MON2: variants seen among roughly 807,000 people sequenced by gnomAD.
MON2 encodes MON2 regulator of endosome-to-Golgi trafficking, also known as protein MON2 homolog.
A neutral mutation model predicts 208.6 loss-of-function variants in MON2; 84 were observed. That is an observed-to-expected ratio of 0.40 (90% CI 0.34 to 0.48). The LOEUF (loss-of-function observed/expected upper bound fraction) is 0.48. Among genes scored for constraint, MON2 ranks in the 20% least tolerant of loss-of-function variants. The probability of loss-of-function intolerance (pLI) is 0.59; values close to 1 mark genes in which losing one functional copy is unlikely to be tolerated. For missense variants in MON2, 1,611 were observed against 2,015.4 expected, an observed-to-expected ratio of 0.80 and a Z score of 3.84; for synonymous variants, 660 against 694.0, an observed-to-expected ratio of 0.95 and a Z score of 0.77.
At chr12:62,557,957 TATA>T (rs1470648414) in intron 25 of MON2, among the ~76,000 whole-genome samples, 33 of 29,606 alleles carry the variant, frequency 1.1e-3, no homozygotes, top group African/African-American at 5.0e-3. Flanking sequence ...TATATATATA[TATA>T]TATTTTTTTT....
At chr12:62,549,591 G>T in intron 22 of MON2, 77 bp from the exon 23 acceptor site, 1 of 1,321,594 alleles carries the variant, frequency 7.6e-7, no homozygotes, top group Admixed American at 2.4e-5. Context: ...CAACCTGAGT[G>T]GCAGAGTGAG....
chr12:62,593,935 A>G lies in MON2; in HGVS notation c.*1186A>G, dbSNP rs1403993554. On this transcript the variant is annotated 3_prime_UTR_variant, in exon 35 of 35. Coordinates refer to ENST00000393630, the MANE Select transcript of MON2 (RefSeq NM_015026.3). ...TTAGAAGTGCAGTGAACTTGCTGTC[A>G]CGGAGTAAAATGCTAATTATGTTTC... 1.3e-5 allele frequency: 2 copies of G among 152,236 alleles called. No individual in the cohort carries two copies. Among genetic ancestry groups the G allele is most frequent in the Non-Finnish European group, 2.9e-5 (2 of 68,018 alleles). 9.4% of individuals were successfully genotyped at this position (152,236 alleles called of 1,614,324 possible). A position where few individuals can be genotyped will look rare whatever the true frequency, so the allele number is the denominator to read the frequency against.
chr12:62,535,876 G>C (rs1430055249), intron 14 of MON2, among the ~76,000 whole-genome samples, 167 bp downstream of exon 14: 1 of 96,460 alleles, frequency 1.0e-5, no homozygotes, highest in Non-Finnish European at 1.9e-5. Context: ...GTGGGGGGTG[G>C]GGGGTGGGCA....
At chr12:62,555,487 T>A (rs914920601) in intron 24 of MON2, among the ~76,000 whole-genome samples, 1 of 152,114 alleles carries the variant, frequency 6.6e-6, no homozygotes, top group Admixed American at 6.6e-5. Context: ...CCCAACCTTA[T>A]TTTTTTATAT....
intron 2 of MON2, among the ~76,000 whole-genome samples, chr12:62,491,104 G>T (rs1222444658): frequency 6.6e-6 from 1 of 152,100 alleles, no homozygotes; most frequent in Admixed American, 6.5e-5. Context: ...CAGTTGAGTT[G>T]CATGCATTGT....
intron 30 of MON2, among the ~76,000 whole-genome samples, chr12:62,575,477 G>A (rs2074739110): frequency 6.6e-6 from 1 of 152,120 alleles, no homozygotes; most frequent in Admixed American, 6.5e-5. Flanking sequence ...TTGAACAGTA[G>A]GAAGATTGTT....
At chr12:62,546,854 T>G in intron 21 of MON2, 43 bp from the exon 22 acceptor site, 1 of 1,473,646 alleles carries the variant, frequency 6.8e-7, no homozygotes, top group Non-Finnish European at 9.2e-7. Context: ...CTTCTTGTCT[T>G]TTTGGACTTC....
intron 7 of MON2, among the ~76,000 whole-genome samples, chr12:62,504,250 T>C (rs1462134356): frequency 1.1e-4 from 16 of 148,044 alleles, no homozygotes; most frequent in East Asian, 7.9e-4. Context: ...CTTTTCTTTT[T>C]TTTTTTTTTT....
rs551359252 is a variant in MON2, at chr12:62,483,336, C to T, written c.112-834C>T. ...TACTATGTGACTTGCCAGTACTGCC[C>T]GCTAAACATACTACGGTTAATGAAG... On this transcript the variant is annotated intron_variant, in intron 1 of 34. Coordinates refer to ENST00000393630, the MANE Select transcript of MON2 (RefSeq NM_015026.3). 3.9e-5 allele frequency among the ~76,000 whole-genome samples: 6 copies of T among 152,024 alleles called. No homozygotes were observed. The South Asian group carries it at 6.2e-4, about 16-fold the overall frequency.
intron 32 of MON2, 93 bp from the exon 33 acceptor site, chr12:62,585,201 A>G: frequency 1.0e-6 from 1 of 961,596 alleles, no homozygotes; most frequent in Non-Finnish European, 1.6e-6. Context: ...CAGATTGAGG[A>G]ATTTCTCTCT....
intron 26 of MON2, among the ~76,000 whole-genome samples, chr12:62,561,604 C>CA (rs542963921): frequency 6.0e-5 from 9 of 150,644 alleles, no homozygotes; most frequent in African/African-American, 9.7e-5. Flanking sequence ...TTTGTTATTG[C>CA]AAAAAAAATA....
intron 10 of MON2, 131 bp from the exon 11 acceptor site, chr12:62,525,818 T>C: frequency 2.8e-6 from 2 of 703,092 alleles, no homozygotes; most frequent in Admixed American, 5.7e-5. Context: ...ATAAATTTCA[T>C]TTATTTCTGC....
At chr12:62,536,579 A>C (rs1474668160) in intron 14 of MON2, among the ~76,000 whole-genome samples, 4 of 152,092 alleles carry the variant, frequency 2.6e-5, no homozygotes, top group African/African-American at 9.7e-5. Flanking sequence ...CGAGTTCTGT[A>C]TTGCTTATGA....
At chr12:62,547,586 G>A (rs1266954533) in intron 22 of MON2, among the ~76,000 whole-genome samples, 1 of 152,096 alleles carries the variant, frequency 6.6e-6, no homozygotes, top group Non-Finnish European at 1.5e-5. Context: ...ATACATGGTA[G>A]TTATTCTGAT....
intron 11 of MON2, among the ~76,000 whole-genome samples, chr12:62,527,643 A>G (rs143512577): frequency 9.9e-4 from 150 of 152,274 alleles, no homozygotes; most frequent in African/African-American, 3.6e-3. Flanking sequence ...TAGAGCTTAC[A>G]CTTTAGCGAG....
chr12:62,522,532 CTT>C (rs773358427), intron 8 of MON2, among the ~76,000 whole-genome samples: 2 of 152,214 alleles, frequency 1.3e-5, no homozygotes, highest in Non-Finnish European at 1.5e-5. Flanking sequence ...TCAGATGTCT[CTT>C]GACGTTTAGA....
intron 2 of MON2, among the ~76,000 whole-genome samples, chr12:62,486,778 T>C (rs1456134717): frequency 3.3e-5 from 5 of 152,100 alleles, no homozygotes; most frequent in Non-Finnish European, 5.9e-5. Context: ...CTATACTACT[T>C]TTGTGCTCTA....
intron 27 of MON2, 25 bp downstream of exon 27, chr12:62,565,405 C>G (rs201136911): frequency 5.1e-6 from 8 of 1,565,910 alleles, no homozygotes; most frequent in Non-Finnish European, 7.0e-6. Flanking sequence ...ATTTTATTTA[C>G]TTTGTAAGAT....
chr12:62,546,866 C>T (rs989424918), intron 21 of MON2, 31 bp from the exon 22 acceptor site: 2 of 1,530,196 alleles, frequency 1.3e-6, no homozygotes, highest in African/African-American at 1.4e-5. Flanking sequence ...TTGGACTTCT[C>T]TTCCTAATTA....
Sources: allele counts gnomAD v4.1 joint callset (sites outside exome capture counted in the v4.1 genomes callset), GRCh38; gene constraint gnomAD v4.1.1; transcripts MANE v1.5; gene names NCBI Gene and HGNC (gene_info 2026-07-23, HGNC 2026-07-21).